The following MCUB variants were observed in gnomAD, a reference collection of about 807,000 sequenced individuals.
MCUB encodes the protein mitochondrial calcium uniporter dominant negative subunit beta.
A neutral mutation model predicts 41.4 loss-of-function variants in MCUB; 46 were observed. The ratio of observed to expected loss-of-function variants is 1.11; its 90% CI spans 0.88 to 1.42. The LOEUF is 1.42. MCUB is among the 40% of genes most tolerant of loss of function. The pLI is 0.00. For missense variants in MCUB, 403 were observed against 404.9 expected (o/e 1.00, Z 0.04); for synonymous variants, 148 against 148.2 (o/e 1.00, Z 0.01).
At chr4:109,610,014 C>T (rs1223382080) in intron 1 of MCUB, among the ~76,000 whole-genome samples, 1 of 152,182 alleles carries the variant, frequency 6.6e-6, no homozygotes, top group Non-Finnish European at 1.5e-5. Flanking sequence ...ATCTTCCCTC[C>T]CCTTTCCACA....
chr4:109,679,014 G>C (rs963151141), intron 4 of MCUB, among the ~76,000 whole-genome samples: 2 of 150,784 alleles, frequency 1.3e-5, no homozygotes, highest in African/African-American at 4.9e-5. Context: ...CCTAGATGGG[G>C]TGGCAGCTGG....
intron 1 of MCUB, among the ~76,000 whole-genome samples, chr4:109,599,676 T>A (rs533158330): frequency 1.2e-4 from 17 of 143,692 alleles, no homozygotes; most frequent in East Asian, 3.9e-4. Flanking sequence ...AATATTTATT[T>A]ATTTATTTTT....
At chr4:109,684,792 A>T (rs1729799517) in intron 6 of MCUB, 146 bp downstream of exon 6, 1 of 572,870 alleles carries the variant, frequency 1.7e-6, no homozygotes, top group Non-Finnish European at 3.1e-6. Flanking sequence ...GTTTTTCACA[A>T]GACTGAATGA....
chr4:109,660,227 T>G lies in MCUB; in HGVS notation c.208T>G (p.Leu70Val), dbSNP rs1729198956. ...AGTTATTTATAGACATGGCCTTCCC[T>G]TGGTAACACTTACCTTGCCATCTAG... is the stretch of plus-strand genomic sequence containing the variant. ...ITVIYRHGLP[L>V]VTLTLPSRKE... Residue 70 changes from leucine (L) to valine (V), a missense_variant, in exon 3 of 8, where the codon TTG becomes GTG. Leu to Val is a conservative substitution (Grantham distance 32). Coordinates refer to ENST00000394650, the MANE Select transcript of MCUB (RefSeq NM_017918.5). 1 of 1,593,684 alleles carries G rather than the reference T, an allele frequency of 6.3e-7. No homozygotes were observed. Among genetic ancestry groups the G allele is most frequent in the Non-Finnish European group, 8.6e-7 (1 of 1,164,152 alleles).
intron 1 of MCUB, among the ~76,000 whole-genome samples, chr4:109,567,131 CAAAAA>C (rs397994929): frequency 1.1e-3 from 63 of 55,998 alleles, no homozygotes; most frequent in Admixed American, 6.3e-3. Context: ...GACTCCATCT[CAAAAA>C]AAAAAAAAAA....
chr4:109,607,468 T>C (rs1331501717), intron 1 of MCUB, among the ~76,000 whole-genome samples: 1 of 152,220 alleles, frequency 6.6e-6, no homozygotes, highest in Non-Finnish European at 1.5e-5. Flanking sequence ...TCCGCCTGCC[T>C]TGGCCTCCCA....
Position 109,684,533 on chromosome 4 carries a change from C to G in MCUB, c.703C>G (p.Leu235Val). ...ACTGCTGTCCATTCAGGGTGGGGCA[C>G]TGGCCTGGCTCACGTGGTGGGTGTA... ...LALLSIQGGA[L>V]AWLTWWVYSW... The change falls in exon 6 of 8, where the codon CTG becomes GTG. Residue 235 changes from leucine (L) to valine (V), a missense_variant. Physicochemically the swap from Leu to Val is conservative, Grantham distance 32. Transcript: ENST00000394650. The G allele has an allele frequency of 6.2e-7, 1 of 1,613,440 alleles. No individual in the cohort carries two copies. Among genetic ancestry groups the G allele is most frequent in the Non-Finnish European group, 8.5e-7 (1 of 1,179,404 alleles).
intron 1 of MCUB, among the ~76,000 whole-genome samples, chr4:109,591,900 G>A (rs1334961371): frequency 2.7e-5 from 4 of 150,212 alleles, no homozygotes; most frequent in Non-Finnish European, 5.9e-5. Flanking sequence ...GGGTTTTGCT[G>A]TGTTGGCCAG....
intron 7 of MCUB, 38 bp from the exon 8 acceptor site, chr4:109,687,477 T>A (rs1262665927): frequency 7.0e-7 from 1 of 1,428,906 alleles, no homozygotes; most frequent in East Asian, 2.3e-5. Flanking sequence ...ATGTTTCTCT[T>A]CTTTCTGATC....
At chr4:109,636,600 C>T (rs1462105608) in intron 1 of MCUB, among the ~76,000 whole-genome samples, 1 of 152,128 alleles carries the variant, frequency 6.6e-6, no homozygotes, top group Admixed American at 6.5e-5. Flanking sequence ...TTTAGGAGGC[C>T]GAGGCGGGCA....
At chr4:109,666,940 C>T (rs72886531) in intron 4 of MCUB, among the ~76,000 whole-genome samples, 5,866 of 152,194 alleles carry the variant, frequency 0.039, 403 homozygotes, top group African/African-American at 0.14. Flanking sequence ...ATAAATCCCA[C>T]TTAGTTGTGG....
intron 1 of MCUB, among the ~76,000 whole-genome samples, chr4:109,622,231 C>T (rs568298895): frequency 2.0e-3 from 310 of 152,294 alleles, no homozygotes; most frequent in Non-Finnish European, 3.4e-3. Flanking sequence ...AAAAGGACAA[C>T]ATGCTGCTTG....
chr4:109,667,539 A>G (rs1729370251), intron 4 of MCUB, among the ~76,000 whole-genome samples: 1 of 150,270 alleles, frequency 6.7e-6, no homozygotes, highest in Non-Finnish European at 1.5e-5. Flanking sequence ...CTAGCTTTTA[A>G]CATCATTGAT....
chr4:109,597,651 C>T (rs1317321175), intron 1 of MCUB, among the ~76,000 whole-genome samples: 1 of 144,414 alleles, frequency 6.9e-6, no homozygotes, highest in Non-Finnish European at 1.5e-5. Flanking sequence ...TCCCCCACCT[C>T]CCTCCCAGAC....
chr4:109,684,264 A>G (rs191818895), intron 5 of MCUB, among the ~76,000 whole-genome samples, 179 bp from the exon 6 acceptor site: 17 of 152,028 alleles, frequency 1.1e-4, no homozygotes, highest in South Asian at 2.1e-4. Flanking sequence ...GGGTTTCACC[A>G]TGTTAACCAG....
intron 1 of MCUB, among the ~76,000 whole-genome samples, chr4:109,566,192 G>A (rs145895483): frequency 2.0e-5 from 3 of 150,334 alleles, no homozygotes; most frequent in Admixed American, 6.6e-5. Flanking sequence ...AACAGTGGCC[G>A]GGCACAGTGG....
rs192530387 is a variant in MCUB at position 109,566,153 on chromosome 4, G to A, written c.99+5717G>A. On this transcript the variant is annotated intron_variant, in intron 1 of 7. Coordinates refer to ENST00000394650, the MANE Select transcript of MCUB (RefSeq NM_017918.5). ...TTACAGGCGTGAGCCACTGTGCCCA[G>A]CCAAATTTCAATTTCTTTTGAAAGG... Among the ~76,000 whole-genome samples, 53 of 144,884 alleles carry A rather than the reference G, an allele frequency of 3.7e-4. 2 individuals carry two copies. Among genetic ancestry groups the A allele is most frequent in the South Asian group, 2.5e-3 (10 of 3,964 alleles).
At chr4:109,595,541 T>A (rs1727534359) in intron 1 of MCUB, among the ~76,000 whole-genome samples, 1 of 152,264 alleles carries the variant, frequency 6.6e-6, no homozygotes, top group Non-Finnish European at 1.5e-5. Context: ...AGCATCATTG[T>A]CCAATGATTA....
intron 1 of MCUB, among the ~76,000 whole-genome samples, chr4:109,615,511 A>G (rs1223959770): frequency 1.3e-5 from 2 of 149,296 alleles, no homozygotes; most frequent in African/African-American, 5.0e-5. Flanking sequence ...GTTTTACGCC[A>G]TTCTCCTGCC....
Sources: allele counts gnomAD v4.1 joint callset (sites outside exome capture counted in the v4.1 genomes callset), GRCh38; gene constraint gnomAD v4.1.1; transcripts MANE v1.5; gene names NCBI Gene and HGNC (gene_info 2026-07-23, HGNC 2026-07-21).